The following STK3 variants were observed in gnomAD, a reference collection of about 807,000 sequenced individuals.
STK3 encodes serine/threonine-protein kinase 3.
A neutral mutation model predicts 58.0 loss-of-function variants in STK3; 41 were observed. That is an observed-to-expected ratio of 0.71 (90% CI 0.55 to 0.92). The LOEUF (loss-of-function observed/expected upper bound fraction) is 0.92. STK3 is among the 40% of genes least tolerant of loss of function. The pLI is 0.00. For synonymous variants in STK3, 170 were observed against 191.0 expected, an observed-to-expected ratio of 0.89 and a Z score of 0.91; for missense variants, 479 against 602.7, an observed-to-expected ratio of 0.79 and a Z score of 2.15.
intron 9 of STK3, 46 bp downstream of exon 9, chr8:98,547,923 C>G: frequency 1.1e-5 from 16 of 1,454,074 alleles, no homozygotes; most frequent in Non-Finnish European, 1.5e-5. Context: ...ATAAAAGTAT[C>G]CTTTCGAATT....
At chr8:98,837,225 A>T (rs1835778633) in intron 3 of STK3, among the ~76,000 whole-genome samples, 1 of 152,178 alleles carries the variant, frequency 6.6e-6, no homozygotes, top group South Asian at 2.1e-4. Flanking sequence ...CCCTCTCAGA[A>T]CTGCTTAGTT....
At chr8:98,749,038 T>C (rs1829807381) in intron 4 of STK3, among the ~76,000 whole-genome samples, 1 of 151,950 alleles carries the variant, frequency 6.6e-6, no homozygotes, top group African/African-American at 2.4e-5. Flanking sequence ...CATGGTAGTT[T>C]CTCTGTGACA....
the STK3 span, among the ~76,000 whole-genome samples, chr8:98,355,445 CT>C: frequency 3.9e-4 from 59 of 152,336 alleles, no homozygotes; most frequent in African/African-American, 1.3e-3. Context: ...GATACTGGCT[CT>C]GCTTTAGTTA....
At chr8:98,431,932 G>A (rs1056632262) in intron 3 of STK3, 6 of 167,052 alleles carry the variant, frequency 3.6e-5, no homozygotes, top group African/African-American at 1.2e-4. Context: ...CAATAGCATT[G>A]AGTTTTTCAA....
At chr8:98,346,412 T>C in the STK3 span, among the ~76,000 whole-genome samples, 1 of 151,052 alleles carries the variant, frequency 6.6e-6, no homozygotes, top group Admixed American at 6.6e-5. Context: ...TTTGAGGAAA[T>C]AATGTCCAAA....
rs187823339 is a variant in STK3, at chr8:98,545,898, C to T, written c.1141+2071G>A. Among the ~76,000 whole-genome samples, 695 of 152,208 alleles carry T rather than the reference C, an allele frequency of 4.6e-3. 3 individuals carry two copies. Among genetic ancestry groups the T allele is most frequent in the Middle Eastern group, 0.01 (3 of 294 alleles). On this transcript the variant is annotated intron_variant, in intron 9 of 10. Transcript: ENST00000419617. ...CAAAACTACAATAATTATATGGTTT[C>T]AGAAAAAGTAAGTCTTCCCTCAATA...
chr8:98,714,542 A>T (rs948422305), intron 4 of STK3, among the ~76,000 whole-genome samples: 21 of 152,338 alleles, frequency 1.4e-4, no homozygotes, highest in Middle Eastern at 3.4e-3. Flanking sequence ...ATTGCTTCAA[A>T]GAGAATAAAA....
intron 1 of STK3, among the ~76,000 whole-genome samples, chr8:98,884,619 C>T (rs1318099345): frequency 6.6e-6 from 1 of 152,058 alleles, no homozygotes; most frequent in Non-Finnish European, 1.5e-5. Flanking sequence ...AAATGCGAGC[C>T]CCCAAGATGA....
rs146797242 is a variant in STK3, at chr8:98,501,833, T to C, written c.1317+24909A>G. Among the ~76,000 whole-genome samples the C allele has an allele frequency of 8.6e-3, 1,316 of 152,362 alleles. 24 individuals carry two copies. Among genetic ancestry groups the C allele is most frequent in the African/African-American group, 0.029 (1,208 of 41,582 alleles). The stretch of plus-strand genomic sequence containing the variant: ...CCTTGTAGTATAGTTTGAAGTCAGG[T>C]AGCGTGATGCCTCCAGCTTTGTTCT... On this transcript the variant is annotated intron_variant, in intron 10 of 10. Transcript: ENST00000419617.
chr8:98,365,423 G>A, the STK3 span, among the ~76,000 whole-genome samples: 1 of 152,180 alleles, frequency 6.6e-6, no homozygotes, highest in Non-Finnish European at 1.5e-5. Flanking sequence ...ATGAAGAGAA[G>A]GGAGGGAGGG....
intron 10 of STK3, among the ~76,000 whole-genome samples, chr8:98,477,197 T>G (rs1821388479): frequency 6.6e-6 from 1 of 152,198 alleles, no homozygotes; most frequent in Non-Finnish European, 1.5e-5. Context: ...TACTACTCTT[T>G]CGCCAAAAGA....
At chr8:98,507,788 C>T (rs563278448) in intron 10 of STK3, among the ~76,000 whole-genome samples, 3 of 152,232 alleles carry the variant, frequency 2.0e-5, no homozygotes, top group African/African-American at 7.2e-5. Context: ...TTTGCTGGTC[C>T]CTCTACTTGG....
chr8:98,382,498 C>A (rs1296752913), intron 1 of STK3, among the ~76,000 whole-genome samples: 8 of 152,158 alleles, frequency 5.3e-5, no homozygotes, highest in Admixed American at 2.6e-4. Flanking sequence ...CTTCCTTGTT[C>A]TCTCAGGCTG....
chr8:98,778,581 G>A (rs1165251369), intron 1 of STK3, among the ~76,000 whole-genome samples: 2 of 152,204 alleles, frequency 1.3e-5, no homozygotes, highest in East Asian at 1.9e-4. Context: ...ACATGCACAC[G>A]TATGTTTATT....
At chr8:98,705,294 T>C (rs1825886749) in intron 6 of STK3, among the ~76,000 whole-genome samples, 1 of 151,752 alleles carries the variant, frequency 6.6e-6, no homozygotes, top group African/African-American at 2.4e-5. Context: ...ATACCTATAG[T>C]CCCAGCTACT....
intron 6 of STK3, among the ~76,000 whole-genome samples, chr8:98,609,729 C>T (rs12680602): frequency 6.6e-6 from 1 of 151,988 alleles, no homozygotes; most frequent in East Asian, 1.9e-4. Flanking sequence ...GGGAGGCTGA[C>T]GCGGGTGGAT....
At chr8:98,878,674 T>C (rs547205862) in intron 3 of STK3, among the ~76,000 whole-genome samples, 1 of 152,308 alleles carries the variant, frequency 6.6e-6, no homozygotes, top group South Asian at 2.1e-4. Flanking sequence ...TTCCCCTTTC[T>C]TGTCCAGTGT....
intron 6 of STK3, among the ~76,000 whole-genome samples, chr8:98,627,788 A>G (rs1357802721): frequency 6.6e-6 from 1 of 152,220 alleles, no homozygotes; most frequent in African/African-American, 2.4e-5. Context: ...ATTTACATCT[A>G]TGTTTACTAC....
rs796385346 is a variant in STK3 at position 98,613,594 on chromosome 8, T to C, written c.685-17425A>G. 4.6e-5 allele frequency among the ~76,000 whole-genome samples: 7 copies of C among 151,486 alleles called. 1 individual carries two copies. The highest frequency in any genetic ancestry group is 1.2e-4 in the African/African-American group (5 of 41,304). On this transcript the variant is annotated intron_variant, in intron 6 of 10. Coordinates refer to ENST00000419617, the MANE Select transcript of STK3 (RefSeq NM_006281.4). The stretch of plus-strand genomic sequence containing the variant: ...CATAGAAATATCCTCATAAACACTA[T>C]AGATAAATCAAAAGAAAACTCTTAA...
Sources: allele counts gnomAD v4.1 joint callset (sites outside exome capture counted in the v4.1 genomes callset), GRCh38; gene constraint gnomAD v4.1.1; transcripts MANE v1.5; gene names NCBI Gene and HGNC (gene_info 2026-07-23, HGNC 2026-07-21).